Variants in POU2AF3 observed in about 807,000 individuals in gnomAD.
POU2AF3 encodes POU class 2 homeobox associating factor 3.
the POU2AF3 span, chr11:111,300,724 TC>T: frequency 2.0e-6 from 1 of 494,392 alleles, no homozygotes; most frequent in Non-Finnish European, 3.1e-6. Context: ...CACTCACCAT[TC>T]CCAGACCTGG....
At chr11:111,302,112 A>G in the POU2AF3 span, among the ~76,000 whole-genome samples, 227 of 152,378 alleles carry the variant, frequency 1.5e-3, no homozygotes, top group African/African-American at 5.2e-3. Context: ...CAGCGGAGGT[A>G]AGTAGATCAG....
At chr11:111,300,487 G>A in the POU2AF3 span, 5 of 1,081,836 alleles carry the variant, frequency 4.6e-6, no homozygotes, top group Non-Finnish European at 5.9e-6. Context: ...CTGGCACCCA[G>A]ACCTTGGACT....
chr11:111,299,499 G>T, the POU2AF3 span: 2 of 1,137,746 alleles, frequency 1.8e-6, no homozygotes, highest in Non-Finnish European at 2.2e-6. Flanking sequence ...AGCGCTCAGG[G>T]GTCCCTCCCA....
At chr11:111,307,353 G>A in the POU2AF3 span, among the ~76,000 whole-genome samples, 4 of 152,270 alleles carry the variant, frequency 2.6e-5, no homozygotes, top group Admixed American at 6.5e-5. Flanking sequence ...TTTAAGGAAT[G>A]TAAATACTTT....
the POU2AF3 span, chr11:111,306,721 C>A: frequency 8.4e-5 from 76 of 905,540 alleles, 1 homozygote; most frequent in African/African-American, 1.2e-3. Flanking sequence ...CATACAAAAA[C>A]TATCAGCAAG....
the POU2AF3 span, chr11:111,298,825 G>GGGGGGGCGC: frequency 1.2e-6 from 1 of 852,674 alleles, no homozygotes; most frequent in Non-Finnish European, 1.5e-6. Context: ...GCGTACCCCA[G>GGGGGGGCGC]GCCCCCGCCC....
chr11:111,298,826 G>GCCCGGC, the POU2AF3 span: 1 of 790,962 alleles, frequency 1.3e-6, no homozygotes, highest in Non-Finnish European at 1.7e-6. Flanking sequence ...CGTACCCCAG[G>GCCCGGC]CCCCCGCCCG....
the POU2AF3 span, among the ~76,000 whole-genome samples, chr11:111,301,325 G>C: frequency 6.6e-6 from 1 of 152,198 alleles, no homozygotes; most frequent in African/African-American, 2.4e-5. Context: ...AATAAACTAG[G>C]TGGGGTTATT....
At chr11:111,298,827 C>CCGGCG in the POU2AF3 span, 24 of 631,562 alleles carry the variant, frequency 3.8e-5, no homozygotes, top group South Asian at 8.4e-5. Context: ...GTACCCCAGG[C>CCGGCG]CCCCGCCCGC....
the POU2AF3 span, chr11:111,300,721 C>A: frequency 2.0e-6 from 1 of 509,226 alleles, no homozygotes; most frequent in Non-Finnish European, 3.0e-6. Flanking sequence ...ACGCACTCAC[C>A]ATTCCCAGAC....
At chr11:111,306,046 G>C in the POU2AF3 span, among the ~76,000 whole-genome samples, 2 of 152,188 alleles carry the variant, frequency 1.3e-5, no homozygotes, top group Non-Finnish European at 2.9e-5. Flanking sequence ...AGAGGTTTAC[G>C]TGAACTGCCG....
chr11:111,305,389 G>A, the POU2AF3 span, among the ~76,000 whole-genome samples: 1 of 152,100 alleles, frequency 6.6e-6, no homozygotes, highest in African/African-American at 2.4e-5. Flanking sequence ...AGCCGACAGG[G>A]GCTTCCCTCC....
chr11:111,306,472 G>T, the POU2AF3 span: 1 of 1,510,092 alleles, frequency 6.6e-7, no homozygotes, highest in Non-Finnish European at 8.8e-7. Context: ...TGTGTTTCAT[G>T]TGAAGAAAAC....
the POU2AF3 span, chr11:111,298,595 C>T: frequency 5.6e-6 from 7 of 1,246,348 alleles, no homozygotes; most frequent in Non-Finnish European, 6.1e-6. Context: ...TCGGGTAACT[C>T]GGCTGCTTCT....
chr11:111,300,811 T>C, the POU2AF3 span, among the ~76,000 whole-genome samples: 2 of 152,114 alleles, frequency 1.3e-5, no homozygotes, highest in Admixed American at 6.5e-5. Flanking sequence ...AGCTGGGGCA[T>C]GTTGTGGGGC....
the POU2AF3 span, among the ~76,000 whole-genome samples, chr11:111,307,634 T>C: frequency 6.6e-6 from 1 of 152,220 alleles, no homozygotes; most frequent in Admixed American, 6.5e-5. Flanking sequence ...TACTCCAAGA[T>C]CCTTGAAGAT....
At chr11:111,308,156 G>C in the POU2AF3 span, 1 of 1,551,704 alleles carries the variant, frequency 6.4e-7, no homozygotes, top group Non-Finnish European at 8.7e-7. Flanking sequence ...ATATGCTCCA[G>C]AGAATTACAA....
the POU2AF3 span, among the ~76,000 whole-genome samples, chr11:111,307,093 G>C: frequency 6.6e-6 from 1 of 151,926 alleles, no homozygotes; most frequent in Non-Finnish European, 1.5e-5. Flanking sequence ...CATTGAACTG[G>C]CTCTACTAAC....
the POU2AF3 span, among the ~76,000 whole-genome samples, chr11:111,301,461 C>T: frequency 6.6e-6 from 1 of 152,110 alleles, no homozygotes; most frequent in Non-Finnish European, 1.5e-5. Flanking sequence ...TGGTCCTTCT[C>T]CAGCCCATTG....
Sources: allele counts gnomAD v4.1 joint callset (sites outside exome capture counted in the v4.1 genomes callset), GRCh38; gene constraint gnomAD v4.1.1; transcripts MANE v1.5; gene names NCBI Gene and HGNC (gene_info 2026-07-23, HGNC 2026-07-21).